AEN: variants seen among roughly 807,000 people sequenced by gnomAD.
AEN encodes the protein apoptosis enhancing nuclease, also known as apoptosis-enhancing nuclease.
A neutral mutation model predicts 17.7 loss-of-function variants in AEN; 21 were observed. That is an observed-to-expected ratio of 1.19 (90% CI 0.84 to 1.71). The LOEUF (loss-of-function observed/expected upper bound fraction) is 1.71. AEN is among the 40% of genes most tolerant of loss of function. The pLI, the probability that AEN is intolerant of heterozygous loss-of-function variation, is 0.00. For missense variants in AEN, 462 were observed against 435.9 expected (o/e 1.06, Z -0.53); for synonymous variants, 190 against 173.0 (o/e 1.10, Z -0.77).
rs1054876032 is a variant in AEN at position 88,626,227 on chromosome 15, C to G, written c.18C>G (p.Ala6=). ...TGACTGGAATGGTACCCCGGGAGGCCCCTGAGTCTGCTCAGTGCCTGTGCC... is the reference window on the plus strand; with the variant it reads ...TGACTGGAATGGTACCCCGGGAGGCGCCTGAGTCTGCTCAGTGCCTGTGCC... The part of the protein sequence containing the change: MVPRE[A]PESAQCLCPS... Residue 6 remains alanine (A), a synonymous_variant, in exon 2 of 4, where the codon GCC becomes GCG. Coordinates refer to ENST00000332810, the MANE Select transcript of AEN (RefSeq NM_022767.4). The G allele has an allele frequency of 1.9e-6, 3 of 1,595,572 alleles. No homozygotes were observed. The highest frequency in any genetic ancestry group is 2.6e-6 in the Non-Finnish European group (3 of 1,168,920).
At chr15:88,629,169 T>A (rs2141375113) in intron 2 of AEN, 57 bp from the exon 3 acceptor site, 6 of 1,573,558 alleles carry the variant, frequency 3.8e-6, no homozygotes, top group Non-Finnish European at 5.2e-6. Flanking sequence ...AGGGCGTGTC[T>A]CCTGCCAACC....
the AEN span, chr15:88,608,257 C>G: frequency 6.4e-6 from 3 of 465,140 alleles, no homozygotes; most frequent in Admixed American, 6.2e-5. Context: ...TAGCAAAGGA[C>G]AGAACTCAGA....
At chr15:88,620,770 G>T (rs1596025102), upstream of AEN, among the ~76,000 whole-genome samples, 3 of 152,178 alleles carry the variant, frequency 2.0e-5, no homozygotes, top group South Asian at 6.2e-4. Flanking sequence ...AAACAACTCA[G>T]GATGCTTATG....
At position 88,629,396 on chromosome 15, in the gene AEN, G is replaced by C. The variant is rs376452678; in HGVS notation, c.711G>C (p.Leu237=). 24 of 1,613,946 alleles carry C rather than the reference G, an allele frequency of 1.5e-5. No individual in the cohort carries two copies. The highest frequency in any genetic ancestry group is 2.0e-5 in the Non-Finnish European group (24 of 1,179,966). ...HTRARVSLKD[L]ALQLLHKKIQ... is the part of the protein sequence containing the mutation. ...GGGCCCGGGTCTCTCTAAAGGACCT[G>C]GCCCTGCAGCTGCTGCACAAGAAGA... Residue 237 remains leucine (L), a synonymous_variant, in exon 3 of 4, where the codon CTG becomes CTC. Coordinates refer to ENST00000332810, the MANE Select transcript of AEN (RefSeq NM_022767.4).
chr15:88,610,142 G>C, the AEN span, among the ~76,000 whole-genome samples: 5 of 152,048 alleles, frequency 3.3e-5, no homozygotes, highest in Non-Finnish European at 7.4e-5. Context: ...CCTAAGAAAG[G>C]CCTGTTTTTC....
At chr15:88,607,669 C>T in the AEN span, among the ~76,000 whole-genome samples, 1 of 152,094 alleles carries the variant, frequency 6.6e-6, no homozygotes, top group East Asian at 1.9e-4. Flanking sequence ...TCTGTGATGC[C>T]CTGAACCATA....
intron 1 of AEN, among the ~76,000 whole-genome samples, chr15:88,625,110 G>C (rs1396982636): frequency 6.6e-6 from 1 of 152,204 alleles, no homozygotes; most frequent in Non-Finnish European, 1.5e-5. Context: ...AGTGACGAGG[G>C]CTTAAAGTCC....
chr15:88,624,435 TG>T (rs1283009379), intron 1 of AEN, among the ~76,000 whole-genome samples: 3 of 152,156 alleles, frequency 2.0e-5, no homozygotes, highest in Middle Eastern at 3.2e-3. Context: ...CTAACCTCTC[TG>T]GGAGAAGGAG....
chr15:88,612,970 G>A, the AEN span, among the ~76,000 whole-genome samples: 1 of 152,178 alleles, frequency 6.6e-6, no homozygotes, highest in Non-Finnish European at 1.5e-5. Flanking sequence ...CCAAGTTACA[G>A]TGATGACACT....
intron 3 of AEN, 82 bp from the exon 4 acceptor site, chr15:88,629,976 C>T (rs2057905376): frequency 1.3e-5 from 17 of 1,331,140 alleles, no homozygotes; most frequent in Non-Finnish European, 1.8e-5. Context: ...CACAAAGAGC[C>T]CTGGGAAACT....
the AEN span, among the ~76,000 whole-genome samples, chr15:88,605,986 T>C: frequency 6.6e-6 from 1 of 152,142 alleles, no homozygotes; most frequent in African/African-American, 2.4e-5. The surrounding 1 kb of genome is among the most constrained non-coding windows in gnomAD (Gnocchi z 7.6). Context: ...CTTCCTCATT[T>C]CTCCAGGGAT....
At position 88,631,117 on chromosome 15, in the gene AEN, G is replaced by C. The variant is rs1804066284; in HGVS notation, c.*823G>C. 2.2e-6 allele frequency: 1 copy of C among 456,692 alleles called. No homozygotes were observed. The highest frequency in any genetic ancestry group is 2.0e-5 in the African/African-American group (1 of 50,194). 28.3% of individuals were successfully genotyped at this position (456,692 alleles called of 1,614,324 possible). A position where few individuals can be genotyped will look rare whatever the true frequency, so the allele number is the denominator to read the frequency against. On this transcript the variant is annotated 3_prime_UTR_variant, in exon 4 of 4. Coordinates refer to ENST00000332810, the MANE Select transcript of AEN (RefSeq NM_022767.4). The stretch of plus-strand genomic sequence containing the variant: ...ATTTCCCCAGTCCACCCAGTACTGG[G>C]CTCTTAAGCAAAAGTCTGAGAAACA...
At chr15:88,624,798 G>A (rs779033274) in intron 1 of AEN, among the ~76,000 whole-genome samples, 8 of 151,842 alleles carry the variant, frequency 5.3e-5, no homozygotes, top group African/African-American at 1.9e-4. Flanking sequence ...CAGGAGAATC[G>A]CTTGAAGCCG....
chr15:88,610,671 A>T, the AEN span, among the ~76,000 whole-genome samples: 1 of 152,060 alleles, frequency 6.6e-6, no homozygotes, highest in Non-Finnish European at 1.5e-5. Flanking sequence ...CCCCACCCCC[A>T]TTCTGGATAG....
upstream of AEN, among the ~76,000 whole-genome samples, chr15:88,619,461 G>GT (rs2057763587): frequency 6.6e-6 from 1 of 152,182 alleles, no homozygotes; most frequent in Non-Finnish European, 1.5e-5. Context: ...AGGCCAAGGT[G>GT]GGTGGATCAC....
At chr15:88,608,208 G>A in the AEN span, 1 of 520,818 alleles carries the variant, frequency 1.9e-6, no homozygotes, top group East Asian at 5.5e-5. Context: ...GAGTGAGCAG[G>A]GTACACAGAA....
chr15:88,629,116 C>A, intron 2 of AEN, 110 bp from the exon 3 acceptor site: 1 of 1,089,912 alleles, frequency 9.2e-7, no homozygotes, highest in Non-Finnish European at 1.4e-6. Flanking sequence ...TCGGTGCTGC[C>A]TCCCCCCACA....
At chr15:88,621,073 G>A (rs1287804568), upstream of AEN, among the ~76,000 whole-genome samples, 1 of 152,204 alleles carries the variant, frequency 6.6e-6, no homozygotes, top group Non-Finnish European at 1.5e-5. Flanking sequence ...GTGGATTGGA[G>A]CCGGGGAACA....
At chr15:88,623,544 T>A (rs1334911133) in intron 1 of AEN, among the ~76,000 whole-genome samples, 1 of 152,236 alleles carries the variant, frequency 6.6e-6, no homozygotes, top group Non-Finnish European at 1.5e-5. Flanking sequence ...ATCAAGGCTC[T>A]AACCTGCCTT....
Sources: allele counts gnomAD v4.1 joint callset (sites outside exome capture counted in the v4.1 genomes callset), GRCh38; gene constraint gnomAD v4.1.1; non-coding constraint Gnocchi (gnomAD v3.1); transcripts MANE v1.5; gene names NCBI Gene and HGNC (gene_info 2026-07-23, HGNC 2026-07-21).